SERPING1: variants seen among roughly 807,000 people sequenced by gnomAD.
The protein encoded by SERPING1 is serpin family G member 1.
SERPING1 carries 5 observed loss-of-function variants against 34.1 expected under a neutral mutation model. The observed-to-expected ratio is 0.15, with a 90% CI of 0.08 to 0.31. The LOEUF (loss-of-function observed/expected upper bound fraction) is 0.31, where lower values mean the gene tolerates loss of function less well. Among genes scored for constraint, SERPING1 ranks in the 10% least tolerant of loss-of-function variants. The pLI is 1.00. For missense variants in SERPING1, 505 were observed against 609.5 expected (o/e 0.83, Z 1.81); for synonymous variants, 225 against 242.4 (o/e 0.93, Z 0.67).
rs564010769 is a variant in SERPING1, at chr11:57,607,183, C to T, written c.1029+636C>T. ...ACAGTAAGAGACAATGTCTCAATACCTGGCTGAGAAACAAAGGCTCTGTTC... is the reference window on the plus strand; with the variant it reads ...ACAGTAAGAGACAATGTCTCAATACTTGGCTGAGAAACAAAGGCTCTGTTC... On this transcript the variant is annotated intron_variant, in intron 6 of 7. Coordinates refer to ENST00000278407, the MANE Select transcript of SERPING1 (RefSeq NM_000062.3). Among the ~76,000 whole-genome samples, 10 of 152,354 alleles carry T rather than the reference C, an allele frequency of 6.6e-5. No homozygotes were observed. In the South Asian group the frequency reaches 1.9e-3, roughly 28 times the overall value.
chr11:57,610,996 A>G (rs890042572), intron 6 of SERPING1, among the ~76,000 whole-genome samples: 2 of 151,792 alleles, frequency 1.3e-5, no homozygotes, highest in Non-Finnish European at 2.9e-5. Context: ...GTGCAGTGGC[A>G]TGATCTCGGC....
chr11:57,599,720 G>A (rs1274389163), intron 2 of SERPING1, 159 bp from the exon 3 acceptor site: 2 of 950,422 alleles, frequency 2.1e-6, no homozygotes, highest in Admixed American at 2.0e-5. Context: ...AATTAGTGGT[G>A]GTGGTTCTAA....
chr11:57,605,945 A>T, intron 4 of SERPING1, 65 bp from the exon 5 acceptor site: 1 of 1,415,846 alleles, frequency 7.1e-7, no homozygotes, highest in Non-Finnish European at 1.0e-6. Flanking sequence ...CTCACTCTCA[A>T]ATCGTGCTCA....
In SERPING1 at chr11:57,598,166, G is replaced by C. The variant is rs780220125; in HGVS notation, c.-22-83G>C. On this transcript the variant is annotated intron_variant, in intron 1 of 7. Coordinates refer to ENST00000278407, the MANE Select transcript of SERPING1 (RefSeq NM_000062.3). Reference sequence around the variant, plus strand: ...GCTAAGAGGGACTGGGGCCTGAGACGGAATGGGGGCGGGCCCCGGGCGGGG... The same window carrying C: ...GCTAAGAGGGACTGGGGCCTGAGACCGAATGGGGGCGGGCCCCGGGCGGGG... The C allele has an allele frequency of 5.6e-6, 6 of 1,062,564 alleles. No individual in the cohort carries two copies. In the South Asian group the frequency reaches 7.6e-5, roughly 14 times the overall value. 65.8% of individuals were successfully genotyped at this position (1,062,564 alleles called of 1,614,324 possible).
chr11:57,612,538 C>T (rs183512234), intron 7 of SERPING1, among the ~76,000 whole-genome samples: 73 of 151,878 alleles, frequency 4.8e-4, no homozygotes, highest in African/African-American at 1.8e-3. Flanking sequence ...CTCAGCCTCC[C>T]GAGTAGCTGG....
chr11:57,600,517 A>T, intron 3 of SERPING1, 140 bp downstream of exon 3: 2 of 889,264 alleles, frequency 2.2e-6, no homozygotes. Context: ...GGGTAGAGGG[A>T]TGTATCTTTT....
intron 7 of SERPING1, among the ~76,000 whole-genome samples, chr11:57,612,248 G>A (rs1945485324): frequency 1.3e-5 from 2 of 152,066 alleles, no homozygotes; most frequent in African/African-American, 4.8e-5. Context: ...ATAGGCAGTG[G>A]AACAGTGGGA....
At chr11:57,602,398 G>C (rs1945358886) in intron 4 of SERPING1, among the ~76,000 whole-genome samples, 1 of 152,212 alleles carries the variant, frequency 6.6e-6, no homozygotes, top group Non-Finnish European at 1.5e-5. Context: ...AACTGCTTTA[G>C]AATAAAAATA....
rs182913483 is a variant in SERPING1 at position 57,602,587 on chromosome 11, T to C, written c.685+418T>C. 4.0e-3 allele frequency among the ~76,000 whole-genome samples: 608 copies of C among 151,126 alleles called. 5 individuals carry two copies. Among genetic ancestry groups the C allele is most frequent in the African/African-American group, 0.014 (580 of 41,044 alleles). On this transcript the variant is annotated intron_variant, in intron 4 of 7. Coordinates refer to ENST00000278407, the MANE Select transcript of SERPING1 (RefSeq NM_000062.3). ...CTGACCAACATGGTGAAACCCTGTCTCTACTAAAAATACAAAAATTAGCTG... is the reference window on the plus strand; with the variant it reads ...CTGACCAACATGGTGAAACCCTGTCCCTACTAAAAATACAAAAATTAGCTG...
intron 4 of SERPING1, among the ~76,000 whole-genome samples, chr11:57,602,783 C>A (rs369855764): frequency 3.0e-3 from 427 of 142,348 alleles, no homozygotes; most frequent in South Asian, 0.014. Flanking sequence ...AAAACAAAAA[C>A]AAAAAAAAAA....
At chr11:57,599,301 C>T (rs978265481) in intron 2 of SERPING1, among the ~76,000 whole-genome samples, 1 of 152,164 alleles carries the variant, frequency 6.6e-6, no homozygotes, top group Non-Finnish European at 1.5e-5. Context: ...CAAATATCCC[C>T]TGGGAGTCAA....
rs570044876 is a variant in SERPING1, at chr11:57,612,645, C to T, written c.1249+709C>T. Among the ~76,000 whole-genome samples the T allele has an allele frequency of 4.5e-4, 68 of 152,148 alleles. No homozygotes were observed. The Middle Eastern group carries it at 0.024, about 53-fold the overall frequency. On this transcript the variant is annotated intron_variant, in intron 7 of 7. Coordinates refer to ENST00000278407, the MANE Select transcript of SERPING1 (RefSeq NM_000062.3). ...TGTTAACCAGGATGGTCACAATCTC[C>T]GGACCTTGTGATCCACCTGCCTCGG...
Position 57,614,639 on chromosome 11 carries a change from A to T in SERPING1, c.*58A>T. 6.3e-7 allele frequency: 1 copy of T among 1,587,338 alleles called. No homozygotes were observed. The highest frequency in any genetic ancestry group is 8.5e-7 in the Non-Finnish European group (1 of 1,171,518). On this transcript the variant is annotated 3_prime_UTR_variant, in exon 8 of 8. Transcript: ENST00000278407. ...CTCTCCAGCCTCAGCTCTCAGTTGC[A>T]GCCCTGCTGCTGCCTGCCTGGACTT...
Position 57,599,980 on chromosome 11 carries a change from C to T in SERPING1, c.153C>T (p.Ser51=), listed in dbSNP as rs188542060. The T allele has an allele frequency of 2.4e-5, 38 of 1,614,170 alleles. No individual in the cohort carries two copies. Among genetic ancestry groups the T allele is most frequent in the East Asian group, 6.7e-5 (3 of 44,890 alleles). The change falls in exon 3 of 8, where the codon TCC becomes TCT. Residue 51 remains serine (S), a synonymous_variant. Transcript: ENST00000278407. The part of the protein sequence containing the change: ...GEGKVATTVI[S]KMLFVEPILE... ...GGAAGGTCGCAACAACAGTTATCTC[C>T]AAGATGCTATTCGTTGAACCCATCC... is the stretch of plus-strand genomic sequence containing the variant.
chr11:57,598,118 C>T (rs867235086), intron 1 of SERPING1, 131 bp from the exon 2 acceptor site: 26 of 652,750 alleles, frequency 4.0e-5, no homozygotes, highest in Middle Eastern at 4.3e-4. Context: ...AAGGTGGCCC[C>T]AGGAGGGAGG....
At chr11:57,610,388 A>G (rs1020149670) in intron 6 of SERPING1, among the ~76,000 whole-genome samples, 4 of 152,190 alleles carry the variant, frequency 2.6e-5, no homozygotes, top group African/African-American at 2.4e-5. Flanking sequence ...TTCAAGGTTC[A>G]TACATAGGAC....
intron 4 of SERPING1, among the ~76,000 whole-genome samples, chr11:57,604,022 C>T (rs1033004040): frequency 2.6e-5 from 4 of 151,368 alleles, no homozygotes; most frequent in Admixed American, 1.3e-4. Flanking sequence ...TGGTGGCACG[C>T]GCCTGTAGTC....
At chr11:57,601,858 A>G in intron 3 of SERPING1, among the ~76,000 whole-genome samples, 177 bp from the exon 4 acceptor site, 1 of 51,558 alleles carries the variant, frequency 1.9e-5, no homozygotes, top group East Asian at 3.2e-4. Flanking sequence ...TCTGTCTCAA[A>G]AAAAAAAAAA....
intron 4 of SERPING1, 29 bp downstream of exon 4, chr11:57,602,198 C>A: frequency 2.5e-6 from 4 of 1,613,764 alleles, no homozygotes; most frequent in Non-Finnish European, 3.4e-6. Context: ...GCAGTGTCTG[C>A]AGAGGAGGGT....
Sources: gnomAD v4.1 joint callset for allele counts (sites outside exome capture counted in the v4.1 genomes callset) on GRCh38, gnomAD v4.1.1 for gene constraint, MANE v1.5 for transcripts, NCBI Gene and HGNC (gene_info 2026-07-23, HGNC 2026-07-21) for gene names.